PPM1L: variants seen among roughly 807,000 people sequenced by gnomAD.
PPM1L encodes the protein protein phosphatase, Mg2+/Mn2+ dependent 1L.
PPM1L carries 13 observed loss-of-function variants against 31.4 expected under a neutral mutation model. The observed-to-expected ratio is 0.41, with a 90% CI of 0.27 to 0.66. The LOEUF (loss-of-function observed/expected upper bound fraction) is 0.66. Ranked by LOEUF, PPM1L falls within the 30% of genes least tolerant of loss-of-function variation. The probability of loss-of-function intolerance (pLI) is 0.29; values close to 1 mark genes in which losing one functional copy is unlikely to be tolerated. For missense variants in PPM1L, 326 were observed against 453.7 expected, an observed-to-expected ratio of 0.72 and a Z score of 2.56; for synonymous variants, 184 against 175.4, an observed-to-expected ratio of 1.05 and a Z score of -0.39.
intron 2 of PPM1L, among the ~76,000 whole-genome samples, chr3:161,022,657 CTTTTTTTTTTTT>C (rs71147399): frequency 1.1e-5 from 1 of 93,716 alleles, no homozygotes; most frequent in Non-Finnish European, 1.9e-5. Context: ...ATTTCTCCTT[CTTTTTTTTTTTT>C]TTTTTTTTTT....
At chr3:160,952,749 C>T (rs1475723222) in intron 1 of PPM1L, among the ~76,000 whole-genome samples, 1 of 152,014 alleles carries the variant, frequency 6.6e-6, no homozygotes, top group African/African-American at 2.4e-5. Context: ...CCCTTTTTTT[C>T]CAGCTTTAGA....
chr3:160,944,880 A>AT (rs1559897294), intron 1 of PPM1L, among the ~76,000 whole-genome samples: 1 of 16,488 alleles, frequency 6.1e-5, no homozygotes, highest in African/African-American at 1.7e-4. Context: ...TATATATAAC[A>AT]TATATATTAT....
intron 1 of PPM1L, among the ~76,000 whole-genome samples, chr3:160,765,968 G>A (rs537760519): frequency 6.6e-6 from 1 of 152,182 alleles, no homozygotes; most frequent in African/African-American, 2.4e-5. Flanking sequence ...ATTCTAGAAG[G>A]CTACTTAATA....
At chr3:160,771,997 G>T (rs1715269985) in intron 1 of PPM1L, among the ~76,000 whole-genome samples, 1 of 152,044 alleles carries the variant, frequency 6.6e-6, no homozygotes, top group Non-Finnish European at 1.5e-5. Context: ...ATCTGATATG[G>T]TACCTTCAGG....
chr3:160,975,260 C>A (rs868505366), intron 2 of PPM1L, among the ~76,000 whole-genome samples: 1 of 151,778 alleles, frequency 6.6e-6, no homozygotes, highest in African/African-American at 2.4e-5. Flanking sequence ...GTACCATGCT[C>A]TTTTGGTTAC....
intron 1 of PPM1L, among the ~76,000 whole-genome samples, chr3:160,785,174 T>G (rs1040491083): frequency 2.0e-5 from 3 of 152,206 alleles, no homozygotes; most frequent in African/African-American, 7.2e-5. Context: ...AACACTGTGG[T>G]TAGACTGTTA....
chr3:160,916,811 AGTCCATGGAGC>A, intron 1 of PPM1L, among the ~76,000 whole-genome samples: 1 of 152,132 alleles, frequency 6.6e-6, no homozygotes, highest in Non-Finnish European at 1.5e-5. Context: ...TGCATGATTA[AGTCCATGGAGC>A]TTATTGGTGG....
At chr3:160,860,962 A>G (rs1041948655) in intron 1 of PPM1L, among the ~76,000 whole-genome samples, 2 of 152,218 alleles carry the variant, frequency 1.3e-5, no homozygotes, top group African/African-American at 4.8e-5. Context: ...TTAGGGCTTC[A>G]ATATATGAAT....
intron 1 of PPM1L, among the ~76,000 whole-genome samples, chr3:160,921,334 G>T (rs1714396114): frequency 6.6e-6 from 1 of 152,034 alleles, no homozygotes; most frequent in African/African-American, 2.4e-5. Context: ...TGTTATCCAG[G>T]GTGATTTTTA....
intron 2 of PPM1L, among the ~76,000 whole-genome samples, chr3:161,042,344 G>A (rs1718937119): frequency 6.6e-6 from 1 of 152,194 alleles, no homozygotes; most frequent in African/African-American, 2.4e-5. Context: ...AATAACTTCA[G>A]CCACCAGCCT....
intron 2 of PPM1L, among the ~76,000 whole-genome samples, chr3:160,975,424 C>T (rs1475814353): frequency 6.6e-6 from 1 of 152,104 alleles, no homozygotes; most frequent in Non-Finnish European, 1.5e-5. Context: ...TCATCGGTAG[C>T]TTGATGGGGA....
intron 1 of PPM1L, among the ~76,000 whole-genome samples, chr3:160,774,052 C>G (rs1560103590): frequency 6.6e-6 from 1 of 152,126 alleles, no homozygotes; most frequent in African/African-American, 2.4e-5. Context: ...TGTTTATAGC[C>G]CACATCTTTA....
intron 1 of PPM1L, among the ~76,000 whole-genome samples, chr3:160,859,227 G>T (rs1209628265): frequency 6.6e-6 from 1 of 152,160 alleles, no homozygotes; most frequent in Non-Finnish European, 1.5e-5. Context: ...CTTTTCAGGT[G>T]TTTCTCCAGT....
chr3:160,959,929 A>G (rs1715898104), intron 1 of PPM1L, among the ~76,000 whole-genome samples: 1 of 152,130 alleles, frequency 6.6e-6, no homozygotes, highest in African/African-American at 2.4e-5. Flanking sequence ...TAAATACACT[A>G]TATATATATG....
intron 1 of PPM1L, among the ~76,000 whole-genome samples, chr3:160,791,774 T>C (rs916373423): frequency 1.3e-5 from 2 of 152,178 alleles, no homozygotes; most frequent in Non-Finnish European, 2.9e-5. Flanking sequence ...GAAAAAGGCC[T>C]CTTGGATAAA....
intron 2 of PPM1L, among the ~76,000 whole-genome samples, chr3:160,993,554 G>C (rs1002032899): frequency 6.6e-6 from 1 of 152,142 alleles, no homozygotes; most frequent in Non-Finnish European, 1.5e-5. Flanking sequence ...TAAACCATCA[G>C]TAGCCCTCTG....
Position 161,070,292 on chromosome 3 carries a change from A to C in PPM1L, c.*1135A>C, listed in dbSNP as rs1380696711. 6.6e-6 allele frequency: 1 copy of C among 152,248 alleles called. No homozygotes were observed. The highest frequency in any genetic ancestry group is 1.5e-5 in the Non-Finnish European group (1 of 68,070). 9.4% of individuals were successfully genotyped at this position (152,248 alleles called of 1,614,324 possible). On this transcript the variant is annotated 3_prime_UTR_variant, in exon 4 of 4. Transcript: ENST00000498165. The stretch of plus-strand genomic sequence containing the variant: ...CTACTGCAGCTTGGGATTTGGTGGG[A>C]AACTACTGGGATAAGCTTCTCCTTG...
chr3:160,763,878 G>A (rs569164549), intron 1 of PPM1L, among the ~76,000 whole-genome samples: 1 of 152,080 alleles, frequency 6.6e-6, no homozygotes, highest in African/African-American at 2.4e-5. Flanking sequence ...TCTTGAGGTG[G>A]TAAGACTGAT....
Position 161,073,802 on chromosome 3 carries a change from C to G in PPM1L, c.*4645C>G, listed in dbSNP as rs1190195989. 1 of 152,188 alleles carries G rather than the reference C, an allele frequency of 6.6e-6. No homozygotes were observed. The highest frequency in any genetic ancestry group is 1.5e-5 in the Non-Finnish European group (1 of 68,110). 9.4% of individuals were successfully genotyped at this position (152,188 alleles called of 1,614,324 possible). A position where few individuals can be genotyped will look rare whatever the true frequency, so the allele number is the denominator to read the frequency against. ...GGTCTTGATATCCTGACCTTGTAATCCACCAGCCTTGGCCTCCCAAAGTGC... is the reference window on the plus strand; with the variant it reads ...GGTCTTGATATCCTGACCTTGTAATGCACCAGCCTTGGCCTCCCAAAGTGC... On this transcript the variant is annotated 3_prime_UTR_variant, in exon 4 of 4. Transcript: ENST00000498165.
Sources: gnomAD v4.1 joint callset for allele counts (sites outside exome capture counted in the v4.1 genomes callset) on GRCh38, gnomAD v4.1.1 for gene constraint, MANE v1.5 for transcripts, NCBI Gene and HGNC (gene_info 2026-07-23, HGNC 2026-07-21) for gene names.